The following TRIM2 variants were observed in gnomAD, a reference collection of about 807,000 sequenced individuals.
TRIM2 encodes the protein tripartite motif containing 2.
A neutral mutation model predicts 75.2 loss-of-function variants in TRIM2; 20 were observed. That is an observed-to-expected ratio of 0.27 (90% CI 0.19 to 0.39). TRIM2 has a LOEUF of 0.39. Among genes scored for constraint, TRIM2 ranks in the 10% least tolerant of loss-of-function variants. The pLI, the probability that TRIM2 is intolerant of heterozygous loss-of-function variation, is 1.00. For missense variants in TRIM2, 660 were observed against 990.8 expected, an observed-to-expected ratio of 0.67 and a Z score of 4.48; for synonymous variants, 373 against 388.3, an observed-to-expected ratio of 0.96 and a Z score of 0.46.
chr4:153,292,862 A>C, intron 3 of TRIM2, 120 bp from the exon 4 acceptor site: 2 of 1,034,662 alleles, frequency 1.9e-6, no homozygotes, highest in East Asian at 2.7e-5. Context: ...GGACTTAATA[A>C]TGCTGACATT....
chr4:153,306,168 C>G (rs902431420), intron 6 of TRIM2, among the ~76,000 whole-genome samples: 1 of 152,006 alleles, frequency 6.6e-6, no homozygotes, highest in African/African-American at 2.4e-5. Flanking sequence ...GTTTGAATCC[C>G]AGCCTGCTAT....
chr4:153,230,993 G>T (rs941844717), intron 1 of TRIM2, among the ~76,000 whole-genome samples: 27 of 152,156 alleles, frequency 1.8e-4, no homozygotes, highest in Admixed American at 1.5e-3. Context: ...TTAGAAGCGA[G>T]GAAACTAAGT....
At chr4:153,294,016 C>T (rs543895457) in intron 4 of TRIM2, among the ~76,000 whole-genome samples, 35 of 152,208 alleles carry the variant, frequency 2.3e-4, no homozygotes, top group Non-Finnish European at 5.0e-4. Flanking sequence ...AAGAATTAAC[C>T]TGGCCAGAAT....
At chr4:153,213,132 G>C (rs1015261030) in intron 1 of TRIM2, among the ~76,000 whole-genome samples, 2 of 152,174 alleles carry the variant, frequency 1.3e-5, no homozygotes, top group African/African-American at 4.8e-5. Flanking sequence ...GTATGAGCCA[G>C]TCAGCCCACT....
At chr4:153,319,565 C>T (rs1768468015) in intron 8 of TRIM2, among the ~76,000 whole-genome samples, 1 of 151,930 alleles carries the variant, frequency 6.6e-6, no homozygotes, top group Non-Finnish European at 1.5e-5. Context: ...CCCATCTCTA[C>T]TAAAAACACA....
chr4:153,168,446 T>C (rs1411982470), intron 1 of TRIM2, among the ~76,000 whole-genome samples: 1 of 152,196 alleles, frequency 6.6e-6, no homozygotes, highest in African/African-American at 2.4e-5. Flanking sequence ...GCAAAGAGCA[T>C]TTATTGCTTT....
intron 1 of TRIM2, chr4:153,222,144 T>C (rs1283962747): frequency 1.4e-5 from 2 of 147,042 alleles, no homozygotes; most frequent in Admixed American, 6.8e-5. Flanking sequence ...GAGACAGTCA[T>C]GACTTATCAT....
intron 3 of TRIM2, among the ~76,000 whole-genome samples, chr4:153,278,702 G>A (rs1758558989): frequency 6.6e-6 from 1 of 152,056 alleles, no homozygotes; most frequent in African/African-American, 2.4e-5. Context: ...CAGAGGCTGA[G>A]GTAGGAGGAT....
At chr4:153,313,519 C>T (rs1766814174) in intron 6 of TRIM2, among the ~76,000 whole-genome samples, 1 of 152,006 alleles carries the variant, frequency 6.6e-6, no homozygotes, top group Non-Finnish European at 1.5e-5. Flanking sequence ...CAAGTCTATT[C>T]CCAAACAGTG....
intron 6 of TRIM2, among the ~76,000 whole-genome samples, chr4:153,314,345 G>A (rs1159163425): frequency 2.7e-5 from 4 of 147,914 alleles, no homozygotes; most frequent in Admixed American, 6.7e-5. Flanking sequence ...GCGTGAACCC[G>A]GGAGGTGGAG....
chr4:153,302,912 T>A (rs1764216051), intron 6 of TRIM2, among the ~76,000 whole-genome samples: 1 of 152,242 alleles, frequency 6.6e-6, no homozygotes. Flanking sequence ...ATGCTTTGCA[T>A]AAGTACTTTG....
chr4:153,283,861 C>CTTTTTT lies in TRIM2; in HGVS notation c.453+7753_453+7758dup, dbSNP rs71598257. ...TCATCTTGGCCAGGATGGCCTTGATCTTTTTTTTTTTTTTTTTTTTTTTTT... is the reference window on the plus strand; with the variant it reads ...TCATCTTGGCCAGGATGGCCTTGATCTTTTTTTTTTTTTTTTTTTTTTTTTTTTTTT... On this transcript the variant is annotated intron_variant, in intron 3 of 11. Coordinates refer to ENST00000338700, the MANE Select transcript of TRIM2 (RefSeq NM_015271.5). 1.3e-4 allele frequency among the ~76,000 whole-genome samples: 7 copies of CTTTTTT among 53,276 alleles called. 1 individual carries two copies. The highest frequency in any genetic ancestry group is 5.1e-4 in the African/African-American group (6 of 11,750). 35.0% of individuals were successfully genotyped at this position (53,276 alleles called of 152,430 possible).
chr4:153,184,731 C>T (rs1233375392), intron 1 of TRIM2, among the ~76,000 whole-genome samples: 1 of 152,176 alleles, frequency 6.6e-6, no homozygotes, highest in Admixed American at 6.5e-5. Context: ...CTTCAGAGTT[C>T]ATTGGGAAAT....
chr4:153,168,982 G>A (rs1730576713), intron 1 of TRIM2, among the ~76,000 whole-genome samples: 1 of 152,168 alleles, frequency 6.6e-6, no homozygotes, highest in Non-Finnish European at 1.5e-5. Flanking sequence ...TCAGGAGGCT[G>A]AGGTGGGAGG....
intron 1 of TRIM2, among the ~76,000 whole-genome samples, chr4:153,167,500 A>G (rs1369588125): frequency 1.3e-5 from 2 of 152,206 alleles, no homozygotes; most frequent in Non-Finnish European, 2.9e-5. Context: ...AAAGATCAAA[A>G]ACTGTCCAAC....
At chr4:153,240,025 G>T (rs953045752) in intron 1 of TRIM2, among the ~76,000 whole-genome samples, 3 of 151,680 alleles carry the variant, frequency 2.0e-5, no homozygotes, top group African/African-American at 7.3e-5. Context: ...GTAGAGAGAG[G>T]GTTTCACCAT....
chr4:153,293,889 T>C (rs1327600302), intron 4 of TRIM2, among the ~76,000 whole-genome samples: 1 of 152,078 alleles, frequency 6.6e-6, no homozygotes, highest in Non-Finnish European at 1.5e-5. Flanking sequence ...GTATCACAAC[T>C]GTGTGTTTTG....
chr4:153,215,603 G>C (rs1738271548), intron 1 of TRIM2, among the ~76,000 whole-genome samples: 1 of 151,978 alleles, frequency 6.6e-6, no homozygotes, highest in East Asian at 1.9e-4. Context: ...CTATCCCTTT[G>C]TGATATTCCG....
At chr4:153,317,700 T>G (rs1767997079) in intron 8 of TRIM2, among the ~76,000 whole-genome samples, 1 of 149,810 alleles carries the variant, frequency 6.7e-6, no homozygotes. Flanking sequence ...TGGTGGCTCA[T>G]GCCTGCAATC....
Sources: gnomAD v4.1 joint callset for allele counts (sites outside exome capture counted in the v4.1 genomes callset) on GRCh38, gnomAD v4.1.1 for gene constraint, MANE v1.5 for transcripts, NCBI Gene and HGNC (gene_info 2026-07-23, HGNC 2026-07-21) for gene names.